RALGAPB: variants seen among roughly 807,000 people sequenced by gnomAD.
The protein encoded by RALGAPB is Ral GTPase activating protein non-catalytic subunit beta.
RALGAPB carries 25 observed loss-of-function variants against 161.1 expected under a neutral mutation model. The observed-to-expected ratio is 0.16, with a 90% CI of 0.11 to 0.22. The LOEUF (loss-of-function observed/expected upper bound fraction) is 0.22. Among genes scored for constraint, RALGAPB ranks in the 10% least tolerant of loss-of-function variants. RALGAPB has a pLI of 1.00. For missense variants in RALGAPB, 1,391 were observed against 1,815.2 expected (o/e 0.77, Z 4.25); for synonymous variants, 629 against 626.1 (o/e 1.00, Z -0.07).
intron 1 of RALGAPB, among the ~76,000 whole-genome samples, chr20:38,482,287 C>G (rs2084991933): frequency 6.6e-6 from 1 of 152,036 alleles, no homozygotes; most frequent in African/African-American, 2.4e-5. Flanking sequence ...ATTAGTTTTG[C>G]TGTCTCAGGG....
At position 38,473,076 on chromosome 20, in the gene RALGAPB, G is replaced by C. The variant is rs952275954; in HGVS notation, c.-31+7G>C. On this transcript the variant is annotated splice_region_variant and intron_variant, in intron 1 of 29. Coordinates refer to ENST00000262879, the MANE Select transcript of RALGAPB (RefSeq NM_020336.4). The stretch of plus-strand genomic sequence containing the variant: ...GCCCCGCCCGTCGCCTCAGGTAACC[G>C]GGCAGCCGGCCCCGCCGCGGCCGGA... The C allele has an allele frequency of 2.5e-5, 9 of 362,972 alleles. No homozygotes were observed. The highest frequency in any genetic ancestry group is 7.2e-4 in the Middle Eastern group (1 of 1,394). 22.5% of individuals were successfully genotyped at this position (362,972 alleles called of 1,614,324 possible).
At chr20:38,482,078 G>T (rs1225203043) in intron 1 of RALGAPB, among the ~76,000 whole-genome samples, 1 of 152,014 alleles carries the variant, frequency 6.6e-6, no homozygotes, top group Non-Finnish European at 1.5e-5. Context: ...CAGGAGCCTG[G>T]CCAATAACAT....
chr20:38,545,904 C>T (rs1358698837), intron 18 of RALGAPB, among the ~76,000 whole-genome samples: 1 of 152,086 alleles, frequency 6.6e-6, no homozygotes, highest in Non-Finnish European at 1.5e-5. Context: ...TCTAAGATAT[C>T]AGATAGGTTG....
intron 16 of RALGAPB, among the ~76,000 whole-genome samples, chr20:38,535,616 G>T (rs148624463): frequency 1.4e-4 from 20 of 145,472 alleles, no homozygotes; most frequent in African/African-American, 4.8e-4. Flanking sequence ...TTTTTGAGAC[G>T]GAGTCTTGCT....
At position 38,535,060 on chromosome 20, in the gene RALGAPB, G is replaced by A; in HGVS notation, c.2246-14G>A. The A allele has an allele frequency of 1.2e-5, 19 of 1,612,906 alleles. No homozygotes were observed. The highest frequency in any genetic ancestry group is 1.6e-5 in the Non-Finnish European group (19 of 1,179,060). ...TCCCTCCCTGTGGGATGTGGCATTG[G>A]GGTTATATCCTAGCTCTTAATACAG... On this transcript the variant is annotated splice_polypyrimidine_tract_variant and intron_variant, in intron 15 of 29. Coordinates refer to ENST00000262879, the MANE Select transcript of RALGAPB (RefSeq NM_020336.4).
At chr20:38,564,853 CTCTCTG>C (rs1236349337) in intron 24 of RALGAPB, among the ~76,000 whole-genome samples, 1 of 152,002 alleles carries the variant, frequency 6.6e-6, no homozygotes, top group African/African-American at 2.4e-5. Flanking sequence ...CTTCTTCTCT[CTCTCTG>C]TCTCTTCCTC....
At chr20:38,483,818 C>T (rs755694537) in intron 1 of RALGAPB, among the ~76,000 whole-genome samples, 1 of 152,130 alleles carries the variant, frequency 6.6e-6, no homozygotes, top group Non-Finnish European at 1.5e-5. Flanking sequence ...CTGAAAGTAA[C>T]GTTCTCCAGG....
At chr20:38,494,644 A>G (rs1483444912) in intron 3 of RALGAPB, among the ~76,000 whole-genome samples, 1 of 152,204 alleles carries the variant, frequency 6.6e-6, no homozygotes, top group Non-Finnish European at 1.5e-5. Flanking sequence ...AAAACAAAAC[A>G]AAACAAAAAA....
intron 1 of RALGAPB, among the ~76,000 whole-genome samples, chr20:38,487,457 T>C (rs2085150920): frequency 6.6e-6 from 1 of 152,140 alleles, no homozygotes; most frequent in South Asian, 2.1e-4. Flanking sequence ...TGGGTTGGCA[T>C]GGGAATAGAC....
Position 38,521,492 on chromosome 20 carries a change from C to T in RALGAPB, c.1418-5C>T, listed in dbSNP as rs751817367. 6.2e-7 allele frequency: 1 copy of T among 1,614,016 alleles called. No individual in the cohort carries two copies. The highest frequency in any genetic ancestry group is 8.5e-7 in the Non-Finnish European group (1 of 1,179,938). ...TATAATAAAACCCTCCTTTTCTCTC[C>T]CCAGCCATTACAACACAAGCTAGCA... On this transcript the variant is annotated splice_polypyrimidine_tract_variant and splice_region_variant and intron_variant, in intron 9 of 29. Coordinates refer to ENST00000262879, the MANE Select transcript of RALGAPB (RefSeq NM_020336.4).
intron 13 of RALGAPB, among the ~76,000 whole-genome samples, chr20:38,527,918 C>T (rs965985855): frequency 2.6e-5 from 4 of 152,132 alleles, no homozygotes; most frequent in Admixed American, 1.3e-4. Flanking sequence ...GTACCTCCCA[C>T]GGGGATGAGA....
intron 3 of RALGAPB, among the ~76,000 whole-genome samples, chr20:38,496,339 T>C (rs2039229539): frequency 6.6e-6 from 1 of 152,198 alleles, no homozygotes; most frequent in African/African-American, 2.4e-5. Context: ...GGGAACTCAC[T>C]TCATTTTCTG....
At position 38,574,258 on chromosome 20, in the gene RALGAPB, C is replaced by T. The variant is rs1368724777; in HGVS notation, c.4251C>T (p.Ile1417=). Residue 1417 remains isoleucine, a synonymous_variant, in exon 29 of 30, where the codon ATC becomes ATT. Coordinates refer to ENST00000262879, the MANE Select transcript of RALGAPB (RefSeq NM_020336.4). ...CCACTGGAAAATTTAATATGGTCATCCCTCTTGTGGATGGGATGATTGTCA... is the reference window on the plus strand; with the variant it reads ...CCACTGGAAAATTTAATATGGTCATTCCTCTTGTGGATGGGATGATTGTCA... ...QGATGKFNMV[I]PLVDGMIVSR... 2 of 1,613,596 alleles carry T rather than the reference C, an allele frequency of 1.2e-6. No homozygotes were observed. Among genetic ancestry groups the T allele is most frequent in the East Asian group, 2.2e-5 (1 of 44,866 alleles).
chr20:38,535,593 CTT>C (rs35132331), intron 16 of RALGAPB, among the ~76,000 whole-genome samples: 9 of 141,050 alleles, frequency 6.4e-5, no homozygotes, highest in Admixed American at 2.1e-4. Context: ...CTGGCTACAC[CTT>C]TTTTTTTTTT....
intron 3 of RALGAPB, among the ~76,000 whole-genome samples, chr20:38,494,284 A>G (rs1190892893): frequency 6.6e-6 from 1 of 152,204 alleles, no homozygotes; most frequent in East Asian, 1.9e-4. Context: ...TACTTATCTT[A>G]GGTGTCAATT....
rs142889814 is a variant in RALGAPB, at chr20:38,515,884, C to G, written c.873-308C>G. 7.1e-3 allele frequency among the ~76,000 whole-genome samples: 1,080 copies of G among 152,172 alleles called. 18 individuals are homozygous for G. Among genetic ancestry groups the G allele is most frequent in the African/African-American group, 0.024 (978 of 41,532 alleles). On this transcript the variant is annotated intron_variant, in intron 6 of 29. Transcript: ENST00000262879. The stretch of plus-strand genomic sequence containing the variant: ...AAGTAGTTGGGACCATAGGCACGTG[C>G]CACCATGTCCATCTATTGCTTAATT...
At chr20:38,562,955 A>G (rs765063617) in intron 24 of RALGAPB, among the ~76,000 whole-genome samples, 36 of 152,148 alleles carry the variant, frequency 2.4e-4, no homozygotes, top group Non-Finnish European at 3.5e-4. Flanking sequence ...ATGTATTTGT[A>G]GTCCTACCTG....
intron 16 of RALGAPB, among the ~76,000 whole-genome samples, chr20:38,536,529 C>G (rs551631536): frequency 6.6e-6 from 1 of 152,282 alleles, no homozygotes; most frequent in South Asian, 2.1e-4. Context: ...CTATGTTTAA[C>G]TTTTTGAGGA....
intron 23 of RALGAPB, among the ~76,000 whole-genome samples, chr20:38,560,816 A>T (rs6070610): frequency 0.011 from 1,607 of 152,332 alleles, 14 homozygotes; most frequent in Non-Finnish European, 0.017. Context: ...CGTAGGGTAG[A>T]TTAAGATTAA....
Sources: gnomAD v4.1 joint callset for allele counts (sites outside exome capture counted in the v4.1 genomes callset) on GRCh38, gnomAD v4.1.1 for gene constraint, MANE v1.5 for transcripts, NCBI Gene and HGNC (gene_info 2026-07-23, HGNC 2026-07-21) for gene names.